MITF: variants seen among roughly 807,000 people sequenced by gnomAD.
MITF encodes melanocyte inducing transcription factor, also known as microphthalmia-associated transcription factor.
In MITF, 17 loss-of-function variants were observed where a neutral mutation model predicts 60.5. The ratio of observed to expected loss-of-function variants is 0.28; its 90% CI spans 0.19 to 0.42. The LOEUF (loss-of-function observed/expected upper bound fraction) is 0.42, where lower values mean the gene tolerates loss of function less well. Among genes scored for constraint, MITF ranks in the 10% least tolerant of loss-of-function variants. The probability of loss-of-function intolerance (pLI) is 1.00; values close to 1 mark genes in which losing one functional copy is unlikely to be tolerated. For synonymous variants in MITF, 260 were observed against 248.5 expected (o/e 1.05, Z -0.43); for missense variants, 622 against 683.5 (o/e 0.91, Z 1.00).
chr3:69,884,209 C>T (rs2064557344), intron 2 of MITF, among the ~76,000 whole-genome samples: 1 of 152,148 alleles, frequency 6.6e-6, no homozygotes, highest in African/African-American at 2.4e-5. Flanking sequence ...CTACCACCGC[C>T]TCCCTTCCGT....
At chr3:69,938,413 T>C (rs568913854) in intron 3 of MITF, 3 of 1,551,328 alleles carry the variant, frequency 1.9e-6, no homozygotes, top group Admixed American at 2.0e-5. Context: ...AAAGCAAAAA[T>C]AGAAGAGGTG....
intron 1 of MITF, among the ~76,000 whole-genome samples, chr3:69,766,759 C>T (rs905617039): frequency 6.6e-6 from 1 of 152,054 alleles, no homozygotes; most frequent in African/African-American, 2.4e-5. Flanking sequence ...CCTTCTGCTG[C>T]AGTACGGTAG....
intron 1 of MITF, among the ~76,000 whole-genome samples, chr3:69,799,848 A>T (rs2062889262): frequency 6.6e-6 from 1 of 152,096 alleles, no homozygotes; most frequent in Non-Finnish European, 1.5e-5. Context: ...CTATACTGGG[A>T]CCACTATCAG....
At chr3:69,863,460 A>G (rs1368378704) in intron 1 of MITF, among the ~76,000 whole-genome samples, 1 of 152,218 alleles carries the variant, frequency 6.6e-6, no homozygotes, top group African/African-American at 2.4e-5. Context: ...GTCCAACATA[A>G]AAAGTCAGGT....
chr3:69,891,963 A>C (rs2566454), intron 2 of MITF, among the ~76,000 whole-genome samples: 11 of 152,242 alleles, frequency 7.2e-5, no homozygotes, highest in Non-Finnish European at 1.0e-4. Flanking sequence ...ATAAGAAAAC[A>C]ATAAGAAACT....
chr3:69,809,119 G>A (rs1235902220), intron 1 of MITF, among the ~76,000 whole-genome samples: 4 of 152,084 alleles, frequency 2.6e-5, no homozygotes, highest in Non-Finnish European at 5.9e-5. Context: ...GGTGAAGGAA[G>A]GGTATTTAAA....
intron 1 of MITF, among the ~76,000 whole-genome samples, chr3:69,796,751 C>A (rs1038013037): frequency 2.0e-5 from 3 of 152,034 alleles, no homozygotes; most frequent in African/African-American, 7.3e-5. Context: ...CATGATCCAC[C>A]CGCCTCGGCC....
At chr3:69,890,612 C>A (rs2064738713) in intron 2 of MITF, among the ~76,000 whole-genome samples, 1 of 152,006 alleles carries the variant, frequency 6.6e-6, no homozygotes, top group African/African-American at 2.4e-5. Context: ...GTGCTGATGT[C>A]TCTAAGGCAA....
chr3:69,750,945 C>G (rs1193201323), intron 1 of MITF, among the ~76,000 whole-genome samples: 3 of 152,112 alleles, frequency 2.0e-5, no homozygotes, highest in Non-Finnish European at 2.9e-5. Context: ...ACAGAAAAGT[C>G]TAAAGATGGG....
chr3:69,823,946 C>A (rs2063316269), intron 1 of MITF, among the ~76,000 whole-genome samples: 1 of 152,170 alleles, frequency 6.6e-6, no homozygotes, highest in Non-Finnish European at 1.5e-5. Context: ...CTCACACATT[C>A]CAAATACATA....
intron 1 of MITF, among the ~76,000 whole-genome samples, chr3:69,743,805 C>G (rs1160424530): frequency 6.6e-6 from 1 of 152,100 alleles, no homozygotes; most frequent in Admixed American, 6.6e-5. Context: ...TGAATGAGCT[C>G]CTAGGAGCAG....
At chr3:69,791,274 C>G (rs549681341) in intron 1 of MITF, among the ~76,000 whole-genome samples, 1 of 152,136 alleles carries the variant, frequency 6.6e-6, no homozygotes, top group Admixed American at 6.5e-5. Context: ...ATCCGGCCTC[C>G]GCAACTGTGA....
chr3:69,791,650 T>C (rs536043951), intron 1 of MITF, among the ~76,000 whole-genome samples: 1 of 152,292 alleles, frequency 6.6e-6, no homozygotes, highest in East Asian at 1.9e-4. Context: ...CACAGTTTTT[T>C]CTCTTTTAAA....
chr3:69,802,154 T>C (rs1549745), intron 1 of MITF, among the ~76,000 whole-genome samples: 24,672 of 152,084 alleles, frequency 0.16, 2,198 homozygotes, highest in South Asian at 0.21. Context: ...CCAGAAGACA[T>C]TGGGCAATGT....
intron 1 of MITF, among the ~76,000 whole-genome samples, chr3:69,874,324 A>G (rs962465273): frequency 4.6e-5 from 7 of 152,364 alleles, no homozygotes; most frequent in Non-Finnish European, 7.3e-5. Flanking sequence ...TTTACAAGAC[A>G]TATCTTCTGT....
intron 1 of MITF, among the ~76,000 whole-genome samples, chr3:69,794,938 T>G (rs2106928687): frequency 6.6e-6 from 1 of 152,300 alleles, no homozygotes; most frequent in East Asian, 1.9e-4. Flanking sequence ...GTAACAGTAG[T>G]TTGTACTTTT....
chr3:69,813,967 A>G (rs532008644), intron 1 of MITF, among the ~76,000 whole-genome samples: 2 of 152,258 alleles, frequency 1.3e-5, no homozygotes, highest in Non-Finnish European at 2.9e-5. Flanking sequence ...CCTATCAACA[A>G]TATGGTTCAT....
chr3:69,906,582 G>A (rs2065105249), intron 2 of MITF, among the ~76,000 whole-genome samples: 1 of 152,144 alleles, frequency 6.6e-6, no homozygotes, highest in Non-Finnish European at 1.5e-5. Flanking sequence ...TTCCCAAATA[G>A]CAGAGGGATG....
At chr3:69,916,952 G>C (rs1373713922) in intron 2 of MITF, among the ~76,000 whole-genome samples, 1 of 152,092 alleles carries the variant, frequency 6.6e-6, no homozygotes, top group African/African-American at 2.4e-5. Flanking sequence ...AATACCTTCT[G>C]TCTCCTGTAA....
Sources: allele counts gnomAD v4.1 joint callset (sites outside exome capture counted in the v4.1 genomes callset), GRCh38; gene constraint gnomAD v4.1.1; transcripts MANE v1.5; gene names NCBI Gene and HGNC (gene_info 2026-07-23, HGNC 2026-07-21).